XKR4: variants seen among roughly 807,000 people sequenced by gnomAD.
The protein encoded by XKR4 is XK related 4.
A neutral mutation model predicts 53.9 loss-of-function variants in XKR4; 12 were observed. The observed-to-expected ratio is 0.22, with a 90% confidence interval of 0.14 to 0.36. XKR4 has a LOEUF of 0.36. Among genes scored for constraint, XKR4 ranks in the 10% least tolerant of loss-of-function variants. The pLI, the probability that XKR4 is intolerant of heterozygous loss-of-function variation, is 1.00. For synonymous variants in XKR4, 354 were observed against 362.4 expected (o/e 0.98, Z 0.26); for missense variants, 799 against 859.5 (o/e 0.93, Z 0.88).
In XKR4 at chr8:55,274,915, TC is replaced by T. The variant is rs200867083; in HGVS notation, c.807-82762del. Among the ~76,000 whole-genome samples the T allele has an allele frequency of 1.7e-3, 256 of 152,252 alleles. 7 individuals are homozygous for T. The East Asian group carries it at 0.047, about 28-fold the overall frequency. ...CAGTCCATGACAGTGCCAACTGCAG[TC>T]AAGCAGGCTCCTTTATCATGTGCTT... On this transcript the variant is annotated intron_variant, in intron 1 of 2. Transcript: ENST00000327381.
intron 1 of XKR4, among the ~76,000 whole-genome samples, chr8:55,290,302 G>T (rs1486615399): frequency 1.3e-5 from 2 of 151,788 alleles, no homozygotes; most frequent in Non-Finnish European, 2.9e-5. Context: ...GCTAATTTTT[G>T]TATTTTTAGT....
intron 2 of XKR4, among the ~76,000 whole-genome samples, chr8:55,390,306 A>G (rs1804426817): frequency 6.6e-6 from 1 of 152,242 alleles, no homozygotes; most frequent in Non-Finnish European, 1.5e-5. Flanking sequence ...TTTAACATTT[A>G]TGATTAGCAA....
At chr8:55,256,423 A>C (rs2129370459) in intron 1 of XKR4, among the ~76,000 whole-genome samples, 1 of 152,350 alleles carries the variant, frequency 6.6e-6, no homozygotes, top group African/African-American at 2.4e-5. Context: ...CAGTGGCTGC[A>C]TTTGCAATTA....
rs1485933487 is a variant in XKR4, at chr8:55,523,632, C to T, written c.1358C>T (p.Thr453Ile). 5.0e-6 allele frequency: 8 copies of T among 1,614,080 alleles called. No homozygotes were observed. The highest frequency in any genetic ancestry group is 6.8e-6 in the Non-Finnish European group (8 of 1,180,036). Residue 453 changes from threonine to isoleucine, a missense_variant, in exon 3 of 3, where the codon ACA (threonine) becomes ATA (isoleucine). Coordinates refer to ENST00000327381, the MANE Select transcript of XKR4 (RefSeq NM_052898.2). Reference sequence around the variant, plus strand: ...TGGTTCAATGTCAAGGAAGGCAGGACACGCTGCAGGCTATTCATTTACTAT... The same window carrying T: ...TGGTTCAATGTCAAGGAAGGCAGGATACGCTGCAGGCTATTCATTTACTAT... ...FSWFNVKEGR[T>I]RCRLFIYYFV...
At chr8:55,309,202 A>G (rs1819354100) in intron 1 of XKR4, among the ~76,000 whole-genome samples, 1 of 152,232 alleles carries the variant, frequency 6.6e-6, no homozygotes, top group Non-Finnish European at 1.5e-5. Context: ...ATCAAAAACT[A>G]ATACACATAC....
intron 2 of XKR4, among the ~76,000 whole-genome samples, chr8:55,506,179 T>C (rs1049582584): frequency 6.6e-6 from 1 of 152,204 alleles, no homozygotes; most frequent in African/African-American, 2.4e-5. Context: ...ATGCATGAAA[T>C]GCAAATTAAA....
intron 2 of XKR4, among the ~76,000 whole-genome samples, chr8:55,481,095 A>G (rs1806095062): frequency 6.6e-6 from 1 of 152,246 alleles, no homozygotes; most frequent in Non-Finnish European, 1.5e-5. Context: ...TGCCAAGTCA[A>G]TCCTAAGCCA....
rs572982339 is a variant in XKR4 at position 55,473,886 on chromosome 8, C to T, written c.1007-49395C>T. On this transcript the variant is annotated intron_variant, in intron 2 of 2. Coordinates refer to ENST00000327381, the MANE Select transcript of XKR4 (RefSeq NM_052898.2). ...TCTCCCCACCCCACCTTCCTCCCTC[C>T]TTCCCTCCCTCCCTCTCTCTGTCTT... 2.0e-5 allele frequency among the ~76,000 whole-genome samples: 3 copies of T among 150,402 alleles called. No homozygotes were observed. The East Asian group carries it at 5.8e-4, about 29-fold the overall frequency.
intron 2 of XKR4, among the ~76,000 whole-genome samples, chr8:55,460,785 T>C (rs138137041): frequency 0.043 from 6,498 of 152,264 alleles, 445 homozygotes; most frequent in African/African-American, 0.15. Context: ...CCCACCCTAA[T>C]ACTGTGTTTT....
At chr8:55,341,918 C>G (rs1201467988) in intron 1 of XKR4, among the ~76,000 whole-genome samples, 1 of 152,066 alleles carries the variant, frequency 6.6e-6, no homozygotes, top group Non-Finnish European at 1.5e-5. Context: ...AAGGCTGGCA[C>G]TGTAAGTGAG....
intron 1 of XKR4, among the ~76,000 whole-genome samples, chr8:55,134,865 C>T (rs112098689): frequency 6.6e-6 from 1 of 152,132 alleles, no homozygotes; most frequent in African/African-American, 2.4e-5. Flanking sequence ...TCATTTAATT[C>T]TCGCAACCCA....
chr8:55,459,242 A>T (rs1181133577), intron 2 of XKR4, among the ~76,000 whole-genome samples: 1 of 152,212 alleles, frequency 6.6e-6, no homozygotes, highest in Non-Finnish European at 1.5e-5. Context: ...AATGATCATA[A>T]ACCCTTGGCT....
intron 1 of XKR4, among the ~76,000 whole-genome samples, chr8:55,284,166 T>C (rs1484254589): frequency 6.6e-6 from 1 of 152,212 alleles, no homozygotes; most frequent in South Asian, 2.1e-4. Flanking sequence ...GGTTTCTTTG[T>C]AGGTAATATC....
intron 1 of XKR4, among the ~76,000 whole-genome samples, chr8:55,232,982 G>A (rs1818064819): frequency 6.6e-6 from 1 of 152,188 alleles, no homozygotes; most frequent in African/African-American, 2.4e-5. Flanking sequence ...TGTATTTGCT[G>A]CCCACTGTAA....
intron 1 of XKR4, among the ~76,000 whole-genome samples, chr8:55,221,123 G>A (rs532827279): frequency 2.0e-5 from 3 of 152,224 alleles, no homozygotes; most frequent in Non-Finnish European, 4.4e-5. Context: ...TGCAAGGCTG[G>A]CCGGCCAATG....
intron 1 of XKR4, among the ~76,000 whole-genome samples, chr8:55,122,445 T>C (rs1489515312): frequency 6.6e-6 from 1 of 152,236 alleles, no homozygotes; most frequent in Non-Finnish European, 1.5e-5. Context: ...CACTAAAACC[T>C]TATTAAATTA....
At chr8:55,161,353 C>A (rs1816981874) in intron 1 of XKR4, 1 of 354,746 alleles carries the variant, frequency 2.8e-6, no homozygotes, top group Non-Finnish European at 5.5e-6. Context: ...GTGTTCATAG[C>A]ATTTTTCTGT....
At chr8:55,341,111 A>T (rs936286946) in intron 1 of XKR4, among the ~76,000 whole-genome samples, 2 of 152,114 alleles carry the variant, frequency 1.3e-5, no homozygotes, top group Admixed American at 1.3e-4. Flanking sequence ...TACAACTGAG[A>T]TCAGGATTTG....
chr8:55,467,458 G>T (rs922000080), intron 2 of XKR4, among the ~76,000 whole-genome samples: 142 of 152,238 alleles, frequency 9.3e-4, no homozygotes, highest in African/African-American at 3.4e-3. Flanking sequence ...CTCACTCAAG[G>T]GGAGTGGATT....
Sources: allele counts gnomAD v4.1 joint callset (sites outside exome capture counted in the v4.1 genomes callset), GRCh38; gene constraint gnomAD v4.1.1; transcripts MANE v1.5; gene names NCBI Gene and HGNC (gene_info 2026-07-23, HGNC 2026-07-21).